PLA2G10: variants seen among roughly 807,000 people sequenced by gnomAD.
PLA2G10 encodes the protein phospholipase A2 group X.
A neutral mutation model predicts 7.9 loss-of-function variants in PLA2G10; 9 were observed. The observed-to-expected ratio is 1.14, with a 90% CI of 0.68 to 1.98. The LOEUF is 1.98. PLA2G10 is among the 30% of genes most tolerant of loss of function. The pLI is 0.00. For missense variants in PLA2G10, 53 were observed against 65.4 expected, an observed-to-expected ratio of 0.81 and a Z score of 0.66; for synonymous variants, 19 against 27.5, an observed-to-expected ratio of 0.69 and a Z score of 0.97.
At chr16:14,675,431 A>C (rs1253978082) in intron 3 of PLA2G10, among the ~76,000 whole-genome samples, 1 of 152,128 alleles carries the variant, frequency 6.6e-6, no homozygotes, top group East Asian at 1.9e-4. Context: ...TTTATGACTA[A>C]GACCCCAAAA....
intron 3 of PLA2G10, among the ~76,000 whole-genome samples, chr16:14,674,629 G>A (rs367614331): frequency 6.6e-6 from 1 of 151,858 alleles, no homozygotes; most frequent in African/African-American, 2.4e-5. Context: ...TAAACCTGGG[G>A]GGCAGAGGTT....
At chr16:14,678,166 G>T (rs1597008615) in intron 3 of PLA2G10, among the ~76,000 whole-genome samples, 1 of 152,224 alleles carries the variant, frequency 6.6e-6, no homozygotes, top group East Asian at 1.9e-4. Flanking sequence ...TATAGCCCCA[G>T]GGTGGCATAC....
At chr16:14,674,232 T>C (rs979080046) in intron 3 of PLA2G10, among the ~76,000 whole-genome samples, 3 of 152,004 alleles carry the variant, frequency 2.0e-5, no homozygotes, top group African/African-American at 7.2e-5. Context: ...AAAGAAATCA[T>C]AGATGACACA....
chr16:14,684,898 C>A (rs1961008719), intron 3 of PLA2G10, among the ~76,000 whole-genome samples: 1 of 152,120 alleles, frequency 6.6e-6, no homozygotes, highest in East Asian at 1.9e-4. Context: ...ATATTGAAAC[C>A]AGGTACTCAA....
At chr16:14,683,139 A>G (rs1298216820) in intron 3 of PLA2G10, among the ~76,000 whole-genome samples, 1 of 152,142 alleles carries the variant, frequency 6.6e-6, no homozygotes. Context: ...TCTTACAGGT[A>G]AGGAAGCTGG....
chr16:14,677,150 T>G (rs1395268290), intron 3 of PLA2G10, among the ~76,000 whole-genome samples: 2 of 152,210 alleles, frequency 1.3e-5, no homozygotes, highest in Non-Finnish European at 2.9e-5. Context: ...ATTTCTGGAA[T>G]GTTTTAATTT....
chr16:14,686,475 A>C (rs1013330378), intron 3 of PLA2G10, among the ~76,000 whole-genome samples: 1 of 151,844 alleles, frequency 6.6e-6, no homozygotes, highest in African/African-American at 2.4e-5. Context: ...GGAAACTATA[A>C]ATGGAAAATG....
intron 3 of PLA2G10, among the ~76,000 whole-genome samples, chr16:14,683,748 A>G (rs1480556831): frequency 6.6e-6 from 1 of 152,212 alleles, no homozygotes; most frequent in Non-Finnish European, 1.5e-5. Flanking sequence ...GTAAATATTT[A>G]TAACTTTGGA....
intron 3 of PLA2G10, among the ~76,000 whole-genome samples, chr16:14,676,393 TGTG>T (rs1047725704): frequency 2.0e-5 from 3 of 151,956 alleles, no homozygotes; most frequent in Admixed American, 2.0e-4. Flanking sequence ...ATAAAGAAAA[TGTG>T]GTGGCTGGGT....
Position 14,685,533 on chromosome 16 carries a change from G to A in PLA2G10, c.355+2632C>T, listed in dbSNP as rs866973397. Among the ~76,000 whole-genome samples the A allele has an allele frequency of 3.3e-5, 5 of 152,216 alleles. No homozygotes were observed. The South Asian group carries it at 1.0e-3, about 32-fold the overall frequency. On this transcript the variant is annotated intron_variant, in intron 3 of 3. Coordinates refer to ENST00000438167, the MANE Select transcript of PLA2G10 (RefSeq NM_003561.3). ...CTGGTAAGTTTACCAGGTGTTGGTG[G>A]TAGGGAGGAATGGGAACGGATTGCT...
chr16:14,672,893 C>T (rs1960628035), intron 3 of PLA2G10, 144 bp from the exon 4 acceptor site: 1 of 712,020 alleles, frequency 1.4e-6, no homozygotes, highest in Non-Finnish European at 2.4e-6. Context: ...TGCAGGGCTC[C>T]CCAGGAAGCA....
chr16:14,682,217 A>T (rs1051452258), intron 3 of PLA2G10, among the ~76,000 whole-genome samples: 1 of 152,196 alleles, frequency 6.6e-6, no homozygotes, highest in Non-Finnish European at 1.5e-5. Flanking sequence ...TTATATCATC[A>T]TATTAATTCA....
chr16:14,686,101 C>G (rs1481096563), intron 3 of PLA2G10, among the ~76,000 whole-genome samples: 1 of 150,556 alleles, frequency 6.6e-6, no homozygotes, highest in Non-Finnish European at 1.5e-5. Flanking sequence ...TTAGGTGATC[C>G]TCCTTCCTCA....
chr16:14,675,781 A>G (rs1165967989), intron 3 of PLA2G10, among the ~76,000 whole-genome samples: 2 of 152,186 alleles, frequency 1.3e-5, no homozygotes, highest in East Asian at 3.9e-4. Flanking sequence ...TCTACTAAAA[A>G]TACAAAAATT....
intron 3 of PLA2G10, among the ~76,000 whole-genome samples, chr16:14,680,655 C>T (rs1177339122): frequency 6.6e-6 from 1 of 152,156 alleles, no homozygotes; most frequent in South Asian, 2.1e-4. Context: ...AGCCATCGTA[C>T]TCAGCCCATC....
At chr16:14,680,729 C>T (rs1352450434) in intron 3 of PLA2G10, among the ~76,000 whole-genome samples, 1 of 152,182 alleles carries the variant, frequency 6.6e-6, no homozygotes, top group African/African-American at 2.4e-5. Context: ...TCTCTCAACA[C>T]AATAGTTACA....
rs1278454829 is a variant in PLA2G10 at position 14,672,572 on chromosome 16, T to G, written c.*35A>C. On this transcript the variant is annotated 3_prime_UTR_variant, in exon 4 of 4. Coordinates refer to ENST00000438167, the MANE Select transcript of PLA2G10 (RefSeq NM_003561.3). ...GTTCATTACTGAGAGGACGCTTTAT[T>G]TCCTTGTGCAAAAGAGCATTTCAAG... 2.5e-6 allele frequency: 4 copies of G among 1,609,406 alleles called. No individual in the cohort carries two copies. In the Admixed American group the frequency reaches 6.7e-5, roughly 27 times the overall value.
At chr16:14,679,424 G>A (rs1465915176) in intron 3 of PLA2G10, among the ~76,000 whole-genome samples, 1 of 152,008 alleles carries the variant, frequency 6.6e-6, no homozygotes, top group African/African-American at 2.4e-5. Flanking sequence ...CACTTTGGGA[G>A]GCCGAGGCGG....
intron 3 of PLA2G10, among the ~76,000 whole-genome samples, chr16:14,684,795 C>A (rs2151853948): frequency 6.6e-6 from 1 of 152,234 alleles, no homozygotes; most frequent in East Asian, 1.9e-4. Context: ...GTACTCCAAG[C>A]TGGGTGACAG....
Sources: gnomAD v4.1 joint callset for allele counts (sites outside exome capture counted in the v4.1 genomes callset) on GRCh38, gnomAD v4.1.1 for gene constraint, MANE v1.5 for transcripts, NCBI Gene and HGNC (gene_info 2026-07-23, HGNC 2026-07-21) for gene names.